NTRK3: variants seen among roughly 807,000 people sequenced by gnomAD.
NTRK3 encodes neurotrophic receptor tyrosine kinase 3.
A neutral mutation model predicts 91.7 loss-of-function variants in NTRK3; 24 were observed. The ratio of observed to expected loss-of-function variants is 0.26; its 90% CI spans 0.19 to 0.37. The LOEUF (loss-of-function observed/expected upper bound fraction) is 0.37, where lower values mean the gene tolerates loss of function less well. NTRK3 is among the 10% of genes least tolerant of loss of function. NTRK3 has a pLI of 1.00. For synonymous variants in NTRK3, 483 were observed against 404.0 expected (o/e 1.20, Z -2.34); for missense variants, 880 against 1,068.9 (o/e 0.82, Z 2.46).
exon 19 of NTRK3, chr15:87,864,733 A>C (rs1309098584): frequency 8.7e-6 from 2 of 229,398 alleles, no homozygotes; most frequent in African/African-American, 4.4e-5. Flanking sequence ...AAAACTTCTA[A>C]AAAACAGACA....
chr15:87,929,960 A>G (rs2141923256), intron 16 of NTRK3, among the ~76,000 whole-genome samples: 1 of 152,310 alleles, frequency 6.6e-6, no homozygotes, highest in South Asian at 2.1e-4. Flanking sequence ...GACTGTAAAA[A>G]GTGAGCTTCT....
At chr15:88,052,461 T>C (rs550226390) in intron 13 of NTRK3, among the ~76,000 whole-genome samples, 58 of 152,354 alleles carry the variant, frequency 3.8e-4, no homozygotes, top group African/African-American at 1.3e-3. Flanking sequence ...AAGCACGCTA[T>C]GACTCTAACT....
At chr15:88,131,550 G>A (rs1242176459) in intron 10 of NTRK3, among the ~76,000 whole-genome samples, 1 of 152,234 alleles carries the variant, frequency 6.6e-6, no homozygotes, top group African/African-American at 2.4e-5. Flanking sequence ...GGGGCAGGGG[G>A]AGGATGGAGG....
intron 13 of NTRK3, among the ~76,000 whole-genome samples, chr15:88,055,578 C>T (rs1335009395): frequency 3.3e-5 from 5 of 152,298 alleles, no homozygotes; most frequent in East Asian, 3.9e-4. Flanking sequence ...TTCACTGGCT[C>T]ATTGCTTCCC....
At chr15:88,077,528 T>C (rs1462749486) in intron 13 of NTRK3, among the ~76,000 whole-genome samples, 1 of 152,036 alleles carries the variant, frequency 6.6e-6, no homozygotes, top group East Asian at 1.9e-4. Flanking sequence ...CCCGGCACTT[T>C]GGAGAAGTAA....
At position 87,876,826 on chromosome 15, in the gene NTRK3, T is replaced by C. The variant is rs561038396; in HGVS notation, c.*109A>G. On this transcript the variant is annotated 3_prime_UTR_variant, in exon 19 of 19. Transcript: ENST00000394480. Reference sequence around the variant, plus strand: ...TGTGTAGCAGGCACTTGAGTTTATATGAAGATGTTCGCTTCAGTCAAGGAT... The same window carrying C: ...TGTGTAGCAGGCACTTGAGTTTATACGAAGATGTTCGCTTCAGTCAAGGAT... The C allele has an allele frequency of 1.3e-4, 167 of 1,290,384 alleles. No homozygotes were observed. The East Asian group carries it at 2.8e-3, about 22-fold the overall frequency. 79.9% of individuals were successfully genotyped at this position (1,290,384 alleles called of 1,614,324 possible).
At chr15:88,146,272 GTT>G (rs1219583841) in intron 6 of NTRK3, among the ~76,000 whole-genome samples, 1 of 152,192 alleles carries the variant, frequency 6.6e-6, no homozygotes. Context: ...AAAAGGTAAG[GTT>G]TTGATGCATC....
chr15:88,129,788 C>T (rs1342936068), intron 10 of NTRK3, among the ~76,000 whole-genome samples: 1 of 152,082 alleles, frequency 6.6e-6, no homozygotes, highest in African/African-American at 2.4e-5. Context: ...CAATGATAGT[C>T]CTGGATTGTT....
At position 88,179,293 on chromosome 15, in the gene NTRK3, C is replaced by T. The variant is rs116992608; in HGVS notation, c.395+4125G>A. Among the ~76,000 whole-genome samples, 96 of 152,314 alleles carry T rather than the reference C, an allele frequency of 6.3e-4. 1 individual carries two copies. In the East Asian group the frequency reaches 0.015, roughly 24 times the overall value. ...TTTTTAAATTGCTTCTGTGAAAAAA[C>T]ATTGCCTCTTCTGGCCCATGAGCTA... On this transcript the variant is annotated intron_variant, in intron 5 of 18. Transcript: ENST00000394480.
chr15:88,131,251 TATTC>T (rs144459859), intron 10 of NTRK3, among the ~76,000 whole-genome samples: 1 of 152,196 alleles, frequency 6.6e-6, no homozygotes, highest in Non-Finnish European at 1.5e-5. Context: ...AGTAAAAGTG[TATTC>T]ATTCATTCAT....
At chr15:87,928,284 T>C (rs533956299) in intron 17 of NTRK3, 1 of 152,274 alleles carries the variant, frequency 6.6e-6, no homozygotes, top group African/African-American at 2.4e-5. Flanking sequence ...CAGCCTTGGA[T>C]CTTCTGTATT....
intron 13 of NTRK3, among the ~76,000 whole-genome samples, chr15:88,108,249 A>T (rs370784256): frequency 5.3e-5 from 8 of 152,154 alleles, no homozygotes; most frequent in African/African-American, 1.9e-4. Flanking sequence ...AACATCCCCA[A>T]ATACACTCCT....
chr15:88,242,613 G>A (rs1392728835), intron 3 of NTRK3, among the ~76,000 whole-genome samples: 3 of 152,136 alleles, frequency 2.0e-5, no homozygotes, highest in African/African-American at 7.2e-5. Context: ...TTTTGTCAAG[G>A]CTGTGCCCCA....
intron 14 of NTRK3, among the ~76,000 whole-genome samples, chr15:88,020,563 A>C (rs1260774646): frequency 2.0e-5 from 3 of 152,210 alleles, no homozygotes; most frequent in African/African-American, 7.2e-5. Context: ...TAGTTGTAAA[A>C]ATATTGCTGT....
At chr15:87,986,260 T>A (rs1336027518) in intron 14 of NTRK3, among the ~76,000 whole-genome samples, 1 of 152,240 alleles carries the variant, frequency 6.6e-6, no homozygotes, top group African/African-American at 2.4e-5. Flanking sequence ...TTTTGACTCT[T>A]TTCAAATGTT....
chr15:88,086,068 A>C (rs1211980135), intron 13 of NTRK3, among the ~76,000 whole-genome samples: 1 of 152,224 alleles, frequency 6.6e-6, no homozygotes, highest in African/African-American at 2.4e-5. Flanking sequence ...GCTGATGAAG[A>C]CTTCATAGGT....
chr15:88,187,331 G>C (rs990579412), intron 3 of NTRK3, among the ~76,000 whole-genome samples: 1 of 152,168 alleles, frequency 6.6e-6, no homozygotes, highest in Admixed American at 6.5e-5. Context: ...GGAAGAGCAA[G>C]AGGATGAAGA....
At chr15:88,225,253 G>A (rs888891058) in intron 3 of NTRK3, among the ~76,000 whole-genome samples, 5 of 152,136 alleles carry the variant, frequency 3.3e-5, no homozygotes, top group African/African-American at 1.2e-4. Flanking sequence ...AATGCAGGTC[G>A]GGGTTTTGCT....
chr15:88,020,412 T>C (rs1462138729), intron 14 of NTRK3, among the ~76,000 whole-genome samples: 2 of 152,166 alleles, frequency 1.3e-5, no homozygotes, highest in Non-Finnish European at 2.9e-5. Flanking sequence ...GGTGATAAAA[T>C]GCTGCTTCTT....
Sources: allele counts gnomAD v4.1 joint callset (sites outside exome capture counted in the v4.1 genomes callset), GRCh38; gene constraint gnomAD v4.1.1; transcripts MANE v1.5; gene names NCBI Gene and HGNC (gene_info 2026-07-23, HGNC 2026-07-21).